ANO2: variants seen among roughly 807,000 people sequenced by gnomAD.
The protein encoded by ANO2 is anoctamin 2, also known as anoctamin-2.
A neutral mutation model predicts 124.2 loss-of-function variants in ANO2; 101 were observed. The observed-to-expected ratio is 0.81, with a 90% CI of 0.69 to 0.96. The LOEUF (loss-of-function observed/expected upper bound fraction) is 0.96, where lower values mean the gene tolerates loss of function less well. ANO2 is among the 40% of genes least tolerant of loss of function. ANO2 has a pLI of 0.00. For missense variants in ANO2, 1,293 were observed against 1,274.5 expected (o/e 1.01, Z -0.22); for synonymous variants, 486 against 482.5 (o/e 1.01, Z -0.09).
intron 13 of ANO2, chr12:5,733,027 T>A: frequency 2.2e-6 from 2 of 897,560 alleles, no homozygotes; most frequent in Non-Finnish European, 3.6e-6. Context: ...CCTCAAACTT[T>A]AACTTTCAAC....
chr12:5,602,473 T>TA (rs1221088194), intron 19 of ANO2, among the ~76,000 whole-genome samples: 1 of 152,106 alleles, frequency 6.6e-6, no homozygotes, highest in African/African-American at 2.4e-5. Context: ...ATGCTGGTCT[T>TA]AAACTCCTGG....
At chr12:5,656,661 G>A (rs1947174572) in intron 14 of ANO2, among the ~76,000 whole-genome samples, 1 of 152,104 alleles carries the variant, frequency 6.6e-6, no homozygotes, top group Non-Finnish European at 1.5e-5. Context: ...CATATAGCTG[G>A]TGTCTAACCA....
chr12:5,869,165 C>T (rs918384795), intron 3 of ANO2, among the ~76,000 whole-genome samples: 1 of 152,088 alleles, frequency 6.6e-6, no homozygotes, highest in Non-Finnish European at 1.5e-5. Flanking sequence ...TCCAGCAGGG[C>T]CATTCGCACT....
chr12:5,675,689 C>T (rs1200367759), intron 14 of ANO2, among the ~76,000 whole-genome samples: 1 of 152,204 alleles, frequency 6.6e-6, no homozygotes, highest in Non-Finnish European at 1.5e-5. Context: ...TCTGTCCTGA[C>T]AGACAGGAGA....
intron 14 of ANO2, among the ~76,000 whole-genome samples, chr12:5,696,290 C>T (rs906960958): frequency 3.3e-5 from 5 of 151,956 alleles, no homozygotes; most frequent in Non-Finnish European, 5.9e-5. Flanking sequence ...GAAACGCAAA[C>T]AACATTTAAA....
At chr12:5,942,770 C>G (rs992855511) in intron 1 of ANO2, among the ~76,000 whole-genome samples, 1 of 152,240 alleles carries the variant, frequency 6.6e-6, no homozygotes, top group African/African-American at 2.4e-5. Flanking sequence ...CTAAGAGAGG[C>G]CTTCGCTAAC....
At chr12:5,653,604 T>A (rs1256378492) in intron 14 of ANO2, among the ~76,000 whole-genome samples, 1 of 152,220 alleles carries the variant, frequency 6.6e-6, no homozygotes, top group African/African-American at 2.4e-5. Flanking sequence ...TTACTCTTGT[T>A]TCTATACAGG....
At chr12:5,939,727 G>A (rs879596773) in intron 1 of ANO2, among the ~76,000 whole-genome samples, 1 of 152,234 alleles carries the variant, frequency 6.6e-6, no homozygotes, top group Admixed American at 6.5e-5. Context: ...AGGCATGGAA[G>A]GCTTCCAGGG....
Position 5,563,332 on chromosome 12 carries a change from C to A in ANO2, c.2964G>T (p.Met988Ile). ...APSGQSQLGS[M>I]MSSGSQHTNV ...TGGTGTGCTGAGAGCCTGACGACAT[C>A]ATGCTGCCCAGCTGGCTTTGGCCTG... Residue 988 changes from methionine to isoleucine, a missense_variant, in exon 25 of 25, where the codon ATG (methionine) becomes ATT (isoleucine). Met to Ile is a conservative substitution (Grantham distance 10). Coordinates refer to ENST00000682330, the MANE Select transcript of ANO2 (RefSeq NM_001364791.2). 1 of 1,603,286 alleles carries A rather than the reference C, an allele frequency of 6.2e-7. No homozygotes were observed. The highest frequency in any genetic ancestry group is 2.2e-5 in the East Asian group (1 of 44,624).
intron 3 of ANO2, among the ~76,000 whole-genome samples, chr12:5,916,362 A>G (rs529188407): frequency 5.9e-5 from 9 of 152,234 alleles, no homozygotes; most frequent in South Asian, 4.2e-4. Context: ...AGAAAAAAGT[A>G]AAAAACAGAA....
intron 14 of ANO2, among the ~76,000 whole-genome samples, chr12:5,679,500 A>C (rs919417040): frequency 2.0e-5 from 3 of 152,218 alleles, no homozygotes; most frequent in African/African-American, 7.2e-5. Flanking sequence ...CACTTCTCAA[A>C]AGAAGACATA....
At chr12:5,873,214 T>G (rs1937838543) in intron 3 of ANO2, among the ~76,000 whole-genome samples, 3 of 66,454 alleles carry the variant, frequency 4.5e-5, no homozygotes, top group Admixed American at 3.6e-4. Context: ...TCTCTCTCTC[T>G]CTCTCTCTCT....
chr12:5,836,887 T>C (rs1324677301), intron 4 of ANO2: 1 of 154,420 alleles, frequency 6.5e-6, no homozygotes, highest in Non-Finnish European at 1.5e-5. Flanking sequence ...GTTGTAATTT[T>C]ATACTTATTT....
chr12:5,727,321 C>T (rs768050809), intron 14 of ANO2, among the ~76,000 whole-genome samples: 52 of 152,058 alleles, frequency 3.4e-4, no homozygotes, highest in African/African-American at 7.2e-5. Flanking sequence ...CTTCGCCTTC[C>T]ACAATGATTA....
Position 5,844,181 on chromosome 12 carries a change from GGCTCCA to G in ANO2, c.633+9856_633+9861del, listed in dbSNP as rs150888452. On this transcript the variant is annotated intron_variant, in intron 4 of 24. Coordinates refer to ENST00000682330, the MANE Select transcript of ANO2 (RefSeq NM_001364791.2). The stretch of plus-strand genomic sequence containing the variant: ...GACAAATACTTAAAGCATTTGGAAA[GGCTCCA>G]GCCCATGGAGGAAAGAGTAAAGTAC... Among the ~76,000 whole-genome samples the G allele has an allele frequency of 1.8e-3, 267 of 152,328 alleles. 1 individual carries two copies. The highest frequency in any genetic ancestry group is 6.1e-3 in the African/African-American group (255 of 41,578).
chr12:5,708,485 T>A (rs541999929), intron 14 of ANO2, among the ~76,000 whole-genome samples: 187 of 152,310 alleles, frequency 1.2e-3, no homozygotes, highest in African/African-American at 4.1e-3. Context: ...CCTTCTACCA[T>A]GAAGGCATTC....
At chr12:5,788,188 AAC>A in intron 10 of ANO2, among the ~76,000 whole-genome samples, 1 of 152,332 alleles carries the variant, frequency 6.6e-6, no homozygotes, top group South Asian at 2.1e-4. Context: ...GGGCAAACTA[AAC>A]ACAATCCACA....
chr12:5,613,418 A>G (rs1944644739), intron 17 of ANO2, among the ~76,000 whole-genome samples: 1 of 152,218 alleles, frequency 6.6e-6, no homozygotes, highest in African/African-American at 2.4e-5. Context: ...TGGGGTCAGA[A>G]AAGAAAAATC....
intron 3 of ANO2, among the ~76,000 whole-genome samples, chr12:5,888,124 C>T (rs74830248): frequency 1.3e-5 from 2 of 152,072 alleles, no homozygotes; most frequent in South Asian, 4.2e-4. Flanking sequence ...CGGATGTGTT[C>T]GGAGTTTCTT....
Sources: allele counts gnomAD v4.1 joint callset (sites outside exome capture counted in the v4.1 genomes callset), GRCh38; gene constraint gnomAD v4.1.1; transcripts MANE v1.5; gene names NCBI Gene and HGNC (gene_info 2026-07-23, HGNC 2026-07-21).